The following RNGTT variants were observed in gnomAD, a reference collection of about 807,000 sequenced individuals.
RNGTT encodes mRNA-capping enzyme.
RNGTT carries 33 observed loss-of-function variants against 79.3 expected under a neutral mutation model. The ratio of observed to expected loss-of-function variants is 0.42; its 90% CI spans 0.32 to 0.56. The LOEUF is 0.56. RNGTT is among the 20% of genes least tolerant of loss of function. The pLI is 0.17. For missense variants in RNGTT, 497 were observed against 739.1 expected, an observed-to-expected ratio of 0.67 and a Z score of 3.80; for synonymous variants, 222 against 235.9, an observed-to-expected ratio of 0.94 and a Z score of 0.54.
intron 13 of RNGTT, among the ~76,000 whole-genome samples, chr6:88,727,448 TTAAAA>T (rs745504992): frequency 5.4e-4 from 83 of 152,318 alleles, no homozygotes; most frequent in African/African-American, 1.8e-3. Context: ...GAACTGGACA[TTAAAA>T]TAAAAGCACA....
intron 14 of RNGTT, among the ~76,000 whole-genome samples, chr6:88,626,510 T>TA (rs1312712589): frequency 6.6e-6 from 1 of 152,052 alleles, no homozygotes; most frequent in African/African-American, 2.4e-5. Flanking sequence ...CAAAGTGATA[T>TA]ATGACTGATG....
chr6:88,612,549 G>A lies in RNGTT; in HGVS notation c.*170C>T. On this transcript the variant is annotated 3_prime_UTR_variant, in exon 16 of 16. Transcript: ENST00000369485. ...GTATTGCAGCACTGAGGAAACGAAT[G>A]CATCAAGTATTTACAGGCTGGCTAC... 1.5e-6 allele frequency: 1 copy of A among 660,544 alleles called. No homozygotes were observed. The highest frequency in any genetic ancestry group is 2.6e-6 in the Non-Finnish European group (1 of 377,890). 40.9% of individuals were successfully genotyped at this position (660,544 alleles called of 1,614,324 possible). A position where few individuals can be genotyped will look rare whatever the true frequency, so the allele number is the denominator to read the frequency against.
At chr6:88,861,934 G>A (rs1019521028) in intron 8 of RNGTT, among the ~76,000 whole-genome samples, 3 of 152,030 alleles carry the variant, frequency 2.0e-5, no homozygotes, top group Non-Finnish European at 4.4e-5. Context: ...AAGTAATTTA[G>A]CTACCTTAGG....
At chr6:88,805,825 G>A (rs9342162) in intron 11 of RNGTT, among the ~76,000 whole-genome samples, 19,346 of 152,172 alleles carry the variant, frequency 0.13, 1,408 homozygotes, top group Middle Eastern at 0.23. Flanking sequence ...TGTGGTACAG[G>A]GGAGCAGAGC....
At chr6:88,909,680 G>A (rs879074636) in intron 4 of RNGTT, among the ~76,000 whole-genome samples, 2 of 152,134 alleles carry the variant, frequency 1.3e-5, no homozygotes, top group Admixed American at 6.5e-5. Flanking sequence ...CTTACCCTGC[G>A]TCCTCTCTCC....
intron 8 of RNGTT, among the ~76,000 whole-genome samples, chr6:88,887,271 A>T (rs1277679499): frequency 6.6e-6 from 1 of 152,154 alleles, no homozygotes; most frequent in Non-Finnish European, 1.5e-5. Flanking sequence ...GAAATCCTAC[A>T]CTGTATCCTG....
At chr6:88,831,515 T>C (rs1378440262) in intron 11 of RNGTT, among the ~76,000 whole-genome samples, 1 of 152,194 alleles carries the variant, frequency 6.6e-6, no homozygotes, top group African/African-American at 2.4e-5. Context: ...AAGCATTCCC[T>C]TTGAAAACCA....
chr6:88,816,812 C>G (rs1481092208), intron 11 of RNGTT, among the ~76,000 whole-genome samples: 1 of 151,910 alleles, frequency 6.6e-6, no homozygotes, highest in Non-Finnish European at 1.5e-5. Flanking sequence ...GAAAAGGTGA[C>G]CCAGATATAT....
intron 14 of RNGTT, among the ~76,000 whole-genome samples, chr6:88,617,847 A>G (rs1424053379): frequency 2.0e-5 from 3 of 150,474 alleles, no homozygotes; most frequent in African/African-American, 7.5e-5. Context: ...GATTTCTTTC[A>G]GCAAGAAACA....
chr6:88,794,827 T>C (rs1320562124), intron 12 of RNGTT, among the ~76,000 whole-genome samples: 1 of 152,206 alleles, frequency 6.6e-6, no homozygotes, highest in Non-Finnish European at 1.5e-5. Context: ...GAAAAAGATA[T>C]TGCTTTCAGC....
chr6:88,906,421 G>C lies in RNGTT; in HGVS notation c.387C>G (p.Gly129=), dbSNP rs367938888. 1.4e-4 allele frequency: 226 copies of C among 1,602,862 alleles called. No individual in the cohort carries two copies. Among genetic ancestry groups the C allele is most frequent in the Non-Finnish European group, 1.8e-4 (217 of 1,175,922 alleles). The change falls in exon 5 of 16, where the codon GGC becomes GGG. Residue 129 remains glycine (G), a synonymous_variant. Coordinates refer to ENST00000369485, the MANE Select transcript of RNGTT (RefSeq NM_003800.5). ...ATATGAGGAAACCAGTGCGATTGAA[G>C]CCATGAGTACAATGAACACCTAGAA... is the stretch of plus-strand genomic sequence containing the variant. ...PELIGVHCTH[G]FNRTGFLICA...
intron 14 of RNGTT, among the ~76,000 whole-genome samples, chr6:88,632,713 CAG>C (rs1440834506): frequency 6.7e-6 from 1 of 148,706 alleles, no homozygotes; most frequent in Non-Finnish European, 1.5e-5. Context: ...CCATCAAAGT[CAG>C]GGGGGAAAAA....
chr6:88,612,916 GTTAA>G, intron 15 of RNGTT, 34 bp from the exon 16 acceptor site: 1 of 1,596,356 alleles, frequency 6.3e-7, no homozygotes, highest in Non-Finnish European at 8.6e-7. Flanking sequence ...TCATGTGAGG[GTTAA>G]TTAAGGCAGC....
intron 13 of RNGTT, among the ~76,000 whole-genome samples, chr6:88,746,240 A>T (rs748595126): frequency 6.6e-6 from 1 of 151,636 alleles, no homozygotes; most frequent in Non-Finnish European, 1.5e-5. Flanking sequence ...TTCACAACCA[A>T]CTGGCTGCTC....
intron 13 of RNGTT, among the ~76,000 whole-genome samples, chr6:88,680,742 C>CA (rs34670490): frequency 0.2 from 16,293 of 80,668 alleles, 1,073 homozygotes; most frequent in Middle Eastern, 0.36. Flanking sequence ...AACTCTATCT[C>CA]AAAAAAAAAA....
chr6:88,961,522 C>T (rs1344331022), intron 1 of RNGTT, among the ~76,000 whole-genome samples: 4 of 152,102 alleles, frequency 2.6e-5, no homozygotes, highest in East Asian at 1.9e-4. Flanking sequence ...CTGCAACCTC[C>T]GTCTCCTGGG....
intron 12 of RNGTT, among the ~76,000 whole-genome samples, chr6:88,775,142 A>T (rs1295880152): frequency 6.6e-6 from 1 of 152,206 alleles, no homozygotes; most frequent in South Asian, 2.1e-4. Flanking sequence ...ATATAACATT[A>T]TAACACAATG....
At chr6:88,739,775 ATATG>A (rs1178369869) in intron 13 of RNGTT, among the ~76,000 whole-genome samples, 34 of 125,298 alleles carry the variant, frequency 2.7e-4, no homozygotes, top group Non-Finnish European at 4.3e-4. Flanking sequence ...ATATATATAT[ATATG>A]TTAACACATG....
At chr6:88,720,633 G>A (rs1396026991) in intron 13 of RNGTT, among the ~76,000 whole-genome samples, 1 of 151,868 alleles carries the variant, frequency 6.6e-6, no homozygotes, top group East Asian at 1.9e-4. Context: ...TTGTGAATAT[G>A]GTATTTGCTA....
Sources: gnomAD v4.1 joint callset for allele counts (sites outside exome capture counted in the v4.1 genomes callset) on GRCh38, gnomAD v4.1.1 for gene constraint, MANE v1.5 for transcripts, NCBI Gene and HGNC (gene_info 2026-07-23, HGNC 2026-07-21) for gene names.